The following CCDC7 variants were observed in gnomAD, a reference collection of about 807,000 sequenced individuals.
CCDC7 encodes coiled-coil domain-containing protein 7.
In CCDC7, 183 loss-of-function variants were observed where a neutral mutation model predicts 196.9. The ratio of observed to expected loss-of-function variants is 0.93; its 90% confidence interval spans 0.82 to 1.05. CCDC7 has a LOEUF of 1.05. Among genes scored for constraint, CCDC7 ranks in the 50% least tolerant of loss-of-function variants. CCDC7 has a pLI of 0.00. For synonymous variants in CCDC7, 525 were observed against 484.6 expected, an observed-to-expected ratio of 1.08 and a Z score of -1.10; for missense variants, 1,540 against 1,482.2, an observed-to-expected ratio of 1.04 and a Z score of -0.64.
chr10:32,640,348 T>G (rs781517081), intron 20 of CCDC7, among the ~76,000 whole-genome samples: 1 of 151,516 alleles, frequency 6.6e-6, no homozygotes, highest in Non-Finnish European at 1.5e-5. Context: ...TTTTTTTGTT[T>G]TGCATTTGCT....
chr10:32,648,387 G>T (rs2068138956), intron 20 of CCDC7, among the ~76,000 whole-genome samples: 1 of 152,034 alleles, frequency 6.6e-6, no homozygotes, highest in African/African-American at 2.4e-5. Context: ...AGTTTGATAG[G>T]TATAGCATTG....
intron 28 of CCDC7, among the ~76,000 whole-genome samples, chr10:32,742,732 C>A (rs1350281584): frequency 6.6e-6 from 1 of 152,154 alleles, no homozygotes; most frequent in South Asian, 2.1e-4. Flanking sequence ...GAAGGGCTCT[C>A]CTTAGTTGTA....
At chr10:32,539,705 T>C (rs182025626) in intron 11 of CCDC7, among the ~76,000 whole-genome samples, 2 of 152,324 alleles carry the variant, frequency 1.3e-5, no homozygotes, top group African/African-American at 2.4e-5. Flanking sequence ...TTTTCTGATA[T>C]GTTGTATCTT....
intron 21 of CCDC7, among the ~76,000 whole-genome samples, chr10:32,683,235 A>G (rs1032060635): frequency 1.3e-5 from 2 of 152,214 alleles, no homozygotes; most frequent in Non-Finnish European, 2.9e-5. Flanking sequence ...TCCTAGCACA[A>G]CTTTCTGAAT....
intron 8 of CCDC7, among the ~76,000 whole-genome samples, chr10:32,489,494 GCAGCTT>G (rs1241565890): frequency 6.6e-6 from 1 of 152,228 alleles, no homozygotes; most frequent in Non-Finnish European, 1.5e-5. Flanking sequence ...CTGAGAGACT[GCAGCTT>G]CAGGGCCCTG....
At chr10:32,692,097 G>A (rs995780556) in intron 23 of CCDC7, among the ~76,000 whole-genome samples, 6 of 152,208 alleles carry the variant, frequency 3.9e-5, no homozygotes, top group Non-Finnish European at 7.3e-5. Context: ...TGGGCAAAAT[G>A]ATCATCAGGA....
chr10:32,791,850 A>T (rs2134657386), intron 29 of CCDC7, among the ~76,000 whole-genome samples: 1 of 152,344 alleles, frequency 6.6e-6, no homozygotes, highest in South Asian at 2.1e-4. Flanking sequence ...GAAGGGAGAC[A>T]TGGATGTCTA....
At chr10:32,799,308 C>T (rs1485843278) in intron 29 of CCDC7, among the ~76,000 whole-genome samples, 1 of 152,146 alleles carries the variant, frequency 6.6e-6, no homozygotes, top group Non-Finnish European at 1.5e-5. Flanking sequence ...TGGGGGCCTG[C>T]CAATGTCTCC....
intron 20 of CCDC7, among the ~76,000 whole-genome samples, chr10:32,644,250 G>C (rs996913628): frequency 2.0e-5 from 3 of 152,062 alleles, no homozygotes; most frequent in Admixed American, 2.0e-4. Context: ...ACACTACAAT[G>C]TTATTTGCTG....
chr10:32,654,227 C>A (rs554676219), intron 20 of CCDC7, among the ~76,000 whole-genome samples: 86 of 152,168 alleles, frequency 5.7e-4, no homozygotes, highest in African/African-American at 2.0e-3. Flanking sequence ...CACTTTAATT[C>A]TTTAGATATG....
At chr10:32,652,316 G>A (rs1482022290) in intron 20 of CCDC7, among the ~76,000 whole-genome samples, 1 of 151,946 alleles carries the variant, frequency 6.6e-6, no homozygotes, top group African/African-American at 2.4e-5. Context: ...TATAGGTGAA[G>A]TAGGTTTTCT....
At chr10:32,742,376 T>G (rs1270960841) in intron 28 of CCDC7, among the ~76,000 whole-genome samples, 1 of 152,176 alleles carries the variant, frequency 6.6e-6, no homozygotes, top group East Asian at 1.9e-4. Context: ...TACTTTAGGG[T>G]TCACTGTTGG....
At chr10:32,451,667 A>C in exon 1 of CCDC7, 1 of 1,610,092 alleles carries the variant, frequency 6.2e-7, no homozygotes, top group African/African-American at 1.3e-5. Context: ...GCATCTGTTG[A>C]CCACCAGTAA....
intron 21 of CCDC7, among the ~76,000 whole-genome samples, chr10:32,666,808 C>T (rs369848088): frequency 1.5e-4 from 23 of 152,052 alleles, no homozygotes; most frequent in African/African-American, 5.1e-4. Flanking sequence ...CAAGTCTTTG[C>T]TATTGTGAAT....
chr10:32,728,912 T>C (rs893593735), exon 27 of CCDC7: 3 of 1,606,314 alleles, frequency 1.9e-6, no homozygotes, highest in Non-Finnish European at 2.6e-6. Context: ...CAAATGAAAA[T>C]GTGATTTCTG....
intron 18 of CCDC7, among the ~76,000 whole-genome samples, chr10:32,588,445 T>C (rs185445401): frequency 6.6e-6 from 1 of 152,296 alleles, no homozygotes; most frequent in African/African-American, 2.4e-5. Context: ...ATTGTTCGAT[T>C]AATGTGGTGT....
chr10:32,762,020 GA>G (rs1179292550), intron 28 of CCDC7, among the ~76,000 whole-genome samples: 3 of 151,892 alleles, frequency 2.0e-5, no homozygotes, highest in Non-Finnish European at 4.4e-5. Context: ...TTGGGAAACT[GA>G]AAAAATATCC....
chr10:32,791,176 T>C (rs7914502), intron 29 of CCDC7, among the ~76,000 whole-genome samples: 68,212 of 151,708 alleles, frequency 0.45, 16,088 homozygotes, highest in East Asian at 0.58. Flanking sequence ...ACCACTGTGC[T>C]TACCTGGAAC....
intron 25 of CCDC7, among the ~76,000 whole-genome samples, chr10:32,719,681 AC>A (rs1409309839): frequency 6.6e-6 from 1 of 152,212 alleles, no homozygotes; most frequent in Non-Finnish European, 1.5e-5. Flanking sequence ...CAAGAAAAAA[AC>A]AAACAACCTA....
Sources: gnomAD v4.1 joint callset for allele counts (sites outside exome capture counted in the v4.1 genomes callset) on GRCh38, gnomAD v4.1.1 for gene constraint, MANE v1.5 for transcripts, NCBI Gene and HGNC (gene_info 2026-07-23, HGNC 2026-07-21) for gene names.